The following DGKB variants were observed in gnomAD, a reference collection of about 807,000 sequenced individuals.
The protein encoded by DGKB is 90 kDa diacylglycerol kinase.
A neutral mutation model predicts 114.3 loss-of-function variants in DGKB; 67 were observed. The observed-to-expected ratio is 0.59, with a 90% CI of 0.48 to 0.72. DGKB has a LOEUF of 0.72. DGKB is among the 30% of genes least tolerant of loss of function. The pLI is 0.00. For synonymous variants in DGKB, 398 were observed against 323.1 expected, an observed-to-expected ratio of 1.23 and a Z score of -2.49; for missense variants, 907 against 975.2, an observed-to-expected ratio of 0.93 and a Z score of 0.93.
chr7:14,543,652 G>C (rs890917044), intron 20 of DGKB, among the ~76,000 whole-genome samples: 2 of 152,078 alleles, frequency 1.3e-5, no homozygotes, highest in African/African-American at 4.8e-5. Context: ...GTAGTGTGCA[G>C]ATAATTAAAT....
chr7:14,319,415 T>C (rs1475676970), intron 23 of DGKB, among the ~76,000 whole-genome samples: 3 of 152,204 alleles, frequency 2.0e-5, no homozygotes, highest in Non-Finnish European at 4.4e-5. Context: ...ACTAAATTTT[T>C]GTTTTTTAAA....
chr7:14,901,603 C>T (rs1364889591), intron 1 of DGKB, among the ~76,000 whole-genome samples: 1 of 115,804 alleles, frequency 8.6e-6, no homozygotes, highest in Non-Finnish European at 1.8e-5. Context: ...TGAGGGATTT[C>T]CACCCCCCCC....
chr7:14,231,055 G>A (rs1001156880), intron 23 of DGKB, among the ~76,000 whole-genome samples: 33 of 151,898 alleles, frequency 2.2e-4, no homozygotes, highest in African/African-American at 7.2e-4. Flanking sequence ...ATTGTATTAA[G>A]CAAGGTTAAA....
chr7:14,633,322 T>C (rs1182533566), intron 13 of DGKB, among the ~76,000 whole-genome samples: 1 of 151,850 alleles, frequency 6.6e-6, no homozygotes, highest in Non-Finnish European at 1.5e-5. Context: ...GTTTTAAATA[T>C]GTAAGAGAGA....
chr7:14,432,828 C>T (rs1319351119), intron 21 of DGKB, among the ~76,000 whole-genome samples: 1 of 151,964 alleles, frequency 6.6e-6, no homozygotes, highest in African/African-American at 2.4e-5. Context: ...TCTTTCTTTC[C>T]GCTATTTAAA....
chr7:14,674,970 C>G (rs888107132), intron 12 of DGKB, among the ~76,000 whole-genome samples: 2 of 152,006 alleles, frequency 1.3e-5, no homozygotes, highest in Non-Finnish European at 2.9e-5. Flanking sequence ...CTAATAAACC[C>G]AGTACTATGA....
At chr7:14,371,404 TG>T (rs1489846442) in intron 21 of DGKB, among the ~76,000 whole-genome samples, 1 of 152,208 alleles carries the variant, frequency 6.6e-6, no homozygotes, top group East Asian at 1.9e-4. Context: ...GGTTTTGATT[TG>T]CATTTCTCTG....
chr7:14,515,510 C>A (rs1308086972), intron 20 of DGKB, among the ~76,000 whole-genome samples: 1 of 152,098 alleles, frequency 6.6e-6, no homozygotes, highest in Non-Finnish European at 1.5e-5. Context: ...ATATATTAAA[C>A]TACGTTTTCA....
intron 1 of DGKB, among the ~76,000 whole-genome samples, chr7:14,871,945 T>G (rs183050958): frequency 1.5e-3 from 228 of 152,288 alleles, no homozygotes; most frequent in African/African-American, 5.0e-3. Context: ...TGAAGTTTTT[T>G]GCTAAAGCTT....
intron 15 of DGKB, among the ~76,000 whole-genome samples, chr7:14,618,427 A>C (rs1806971113): frequency 6.6e-6 from 1 of 151,656 alleles, no homozygotes; most frequent in Admixed American, 6.6e-5. Context: ...TTTATTTGGA[A>C]ATGTTTCTCA....
intron 23 of DGKB, among the ~76,000 whole-genome samples, chr7:14,318,880 AC>A (rs1428612157): frequency 1.3e-5 from 2 of 152,168 alleles, no homozygotes; most frequent in Non-Finnish European, 1.5e-5. Context: ...AAGACTTGGA[AC>A]CAACCCAAAT....
chr7:14,467,737 G>T (rs1224338305), intron 21 of DGKB, among the ~76,000 whole-genome samples: 1 of 152,122 alleles, frequency 6.6e-6, no homozygotes, highest in African/African-American at 2.4e-5. Flanking sequence ...AGAAAATAAT[G>T]TTGAACATTT....
At chr7:14,230,093 C>G (rs918500596) in intron 23 of DGKB, among the ~76,000 whole-genome samples, 2 of 151,882 alleles carry the variant, frequency 1.3e-5, no homozygotes, top group African/African-American at 4.8e-5. Flanking sequence ...TGGGCTCATA[C>G]TTACCTTGTA....
chr7:14,197,062 A>C (rs1332964279), intron 23 of DGKB, among the ~76,000 whole-genome samples: 1 of 152,106 alleles, frequency 6.6e-6, no homozygotes, highest in Non-Finnish European at 1.5e-5. Flanking sequence ...GCAAACTTTC[A>C]GATTTTCAAC....
chr7:14,928,592 T>C (rs1226007165), intron 1 of DGKB, among the ~76,000 whole-genome samples: 3 of 152,018 alleles, frequency 2.0e-5, no homozygotes, highest in African/African-American at 7.2e-5. Context: ...CTTTTAAGAA[T>C]GTCATCAGTG....
At chr7:14,176,557 T>A in intron 25 of DGKB, 1 of 1,096,284 alleles carries the variant, frequency 9.1e-7, no homozygotes, top group Non-Finnish European at 1.1e-6. Context: ...TTTGTTTAGC[T>A]CCATAGTTTA....
chr7:14,794,550 T>G (rs1841131258), intron 2 of DGKB, among the ~76,000 whole-genome samples: 2 of 152,228 alleles, frequency 1.3e-5, no homozygotes, highest in African/African-American at 2.4e-5. Context: ...CCAGCTCAAG[T>G]GCTGCATAAA....
chr7:14,192,318 T>C (rs1453669804), intron 23 of DGKB, among the ~76,000 whole-genome samples: 2 of 152,134 alleles, frequency 1.3e-5, no homozygotes, highest in African/African-American at 4.8e-5. Context: ...CATAGGATAA[T>C]AGTGAACTCG....
chr7:14,185,345 C>T lies in DGKB; in HGVS notation c.2123-7194G>A, dbSNP rs564755205. On this transcript the variant is annotated intron_variant, in intron 23 of 25. Coordinates refer to ENST00000402815, the MANE Select transcript of DGKB (RefSeq NM_001350709.2). Reference sequence around the variant, plus strand: ...GACCTCTACAAGGAAAACTGCAAAACGCTATTGAAAAAAATCATAGATGAC... The same window carrying T: ...GACCTCTACAAGGAAAACTGCAAAATGCTATTGAAAAAAATCATAGATGAC... Among the ~76,000 whole-genome samples, 274 of 151,986 alleles carry T rather than the reference C, an allele frequency of 1.8e-3. 1 individual carries two copies. The highest frequency in any genetic ancestry group is 3.1e-3 in the Non-Finnish European group (209 of 67,998).
Sources: gnomAD v4.1 joint callset for allele counts (sites outside exome capture counted in the v4.1 genomes callset) on GRCh38, gnomAD v4.1.1 for gene constraint, MANE v1.5 for transcripts, NCBI Gene and HGNC (gene_info 2026-07-23, HGNC 2026-07-21) for gene names.